The following HIBADH variants were observed in gnomAD, a reference collection of about 807,000 sequenced individuals.
HIBADH encodes the protein 3-hydroxyisobutyrate dehydrogenase, mitochondrial.
A neutral mutation model predicts 36.1 loss-of-function variants in HIBADH; 25 were observed. The ratio of observed to expected loss-of-function variants is 0.69; its 90% confidence interval spans 0.50 to 0.97. The LOEUF (loss-of-function observed/expected upper bound fraction) is 0.97, where lower values mean the gene tolerates loss of function less well. Ranked by LOEUF, HIBADH falls within the 50% of genes least tolerant of loss-of-function variation. The probability of loss-of-function intolerance (pLI) is 0.00; values close to 1 mark genes in which losing one functional copy is unlikely to be tolerated. For missense variants in HIBADH, 421 were observed against 418.0 expected (o/e 1.01, Z -0.06); for synonymous variants, 160 against 149.5 (o/e 1.07, Z -0.51).
rs1344595623 is a variant in HIBADH, at chr7:27,543,103, G to A, written c.485-3C>T. The A allele has an allele frequency of 1.2e-6, 2 of 1,613,226 alleles. No individual in the cohort carries two copies. Among genetic ancestry groups the A allele is most frequent in the Admixed American group, 3.3e-5 (2 of 59,916 alleles). On this transcript the variant is annotated splice_polypyrimidine_tract_variant and splice_region_variant and intron_variant, in intron 4 of 7. Coordinates refer to ENST00000265395, the MANE Select transcript of HIBADH (RefSeq NM_152740.4). ...CCCAGATCGTGCAGCTCCTACACCT[G>A]AATCATTTGGGGGTAAAGGGATAGA...
chr7:27,581,095 G>A (rs1416015300), intron 4 of HIBADH, among the ~76,000 whole-genome samples: 1 of 152,152 alleles, frequency 6.6e-6, no homozygotes, highest in Non-Finnish European at 1.5e-5. Flanking sequence ...AATTGTTTAG[G>A]TGATGGAAAA....
chr7:27,585,616 G>C (rs990667615), intron 4 of HIBADH, among the ~76,000 whole-genome samples: 1 of 152,042 alleles, frequency 6.6e-6, no homozygotes, highest in Admixed American at 6.5e-5. Context: ...AAATAATTAG[G>C]AAAAGAATGA....
chr7:27,543,911 C>T lies in HIBADH; in HGVS notation c.485-811G>A, dbSNP rs1247055020. 2.0e-5 allele frequency among the ~76,000 whole-genome samples: 3 copies of T among 151,962 alleles called. No homozygotes were observed. The East Asian group carries it at 5.8e-4, about 29-fold the overall frequency. ...CACAGAAAATATAATCTAGACTTGTCCTAAAAGGGAGAGGAAAAGCTTCAT... is the reference window on the plus strand; with the variant it reads ...CACAGAAAATATAATCTAGACTTGTTCTAAAAGGGAGAGGAAAAGCTTCAT... On this transcript the variant is annotated intron_variant, in intron 4 of 7. Transcript: ENST00000265395.
intron 4 of HIBADH, among the ~76,000 whole-genome samples, chr7:27,614,238 T>C (rs68015840): frequency 0.12 from 18,892 of 152,200 alleles, 1,297 homozygotes; most frequent in Middle Eastern, 0.15. Context: ...TCATCCCCAC[T>C]AAATTGATCA....
At chr7:27,605,363 T>A (rs958048886) in intron 4 of HIBADH, among the ~76,000 whole-genome samples, 1 of 151,622 alleles carries the variant, frequency 6.6e-6, no homozygotes, top group African/African-American at 2.4e-5. Flanking sequence ...GCCTAATGAA[T>A]CTCATAGTTA....
chr7:27,534,554 C>T (rs1784046517), intron 6 of HIBADH, among the ~76,000 whole-genome samples: 1 of 152,132 alleles, frequency 6.6e-6, no homozygotes, highest in Non-Finnish European at 1.5e-5. Flanking sequence ...CCCTCACTCA[C>T]TCACTCCCCT....
chr7:27,578,200 CTT>C (rs573536601), intron 4 of HIBADH, among the ~76,000 whole-genome samples: 9 of 151,792 alleles, frequency 5.9e-5, no homozygotes, highest in African/African-American at 1.5e-4. Context: ...CTAAGAGAAT[CTT>C]TTTTTTGAAG....
chr7:27,537,847 T>A (rs957375073), intron 6 of HIBADH, among the ~76,000 whole-genome samples: 1 of 152,078 alleles, frequency 6.6e-6, no homozygotes, highest in Non-Finnish European at 1.5e-5. Flanking sequence ...ATGAATGCTA[T>A]CCAGTTTTTA....
intron 4 of HIBADH, among the ~76,000 whole-genome samples, chr7:27,625,446 G>A (rs1714720053): frequency 6.6e-6 from 1 of 151,554 alleles, no homozygotes; most frequent in Non-Finnish European, 1.5e-5. Flanking sequence ...ATAAACTACT[G>A]TTTAGAAATA....
chr7:27,526,697 A>T (rs185364855), intron 7 of HIBADH, among the ~76,000 whole-genome samples: 5 of 152,254 alleles, frequency 3.3e-5, no homozygotes, highest in Admixed American at 2.6e-4. Context: ...AATTTTTTTT[A>T]AAAAATTCTT....
At chr7:27,643,997 T>C (rs1786008904) in intron 2 of HIBADH, among the ~76,000 whole-genome samples, 1 of 152,222 alleles carries the variant, frequency 6.6e-6, no homozygotes, top group African/African-American at 2.4e-5. Context: ...AGACCCTGTT[T>C]CCAAAAAGCT....
In HIBADH at chr7:27,538,567, G is replaced by A. The variant is rs996668184; in HGVS notation, c.619-150C>T. 3.5e-5 allele frequency: 24 copies of A among 677,604 alleles called. No homozygotes were observed. In the African/African-American group the frequency reaches 3.9e-4, roughly 11 times the overall value. The allele number at this position is 677,604 out of a possible 1,614,324, so 42.0% of individuals were successfully genotyped here. ...CGAGTGCGGAAGAGAACCTGATGCA[G>A]CATGGCTCCCTCTGAACCTCACATG... On this transcript the variant is annotated intron_variant, in intron 5 of 7. Coordinates refer to ENST00000265395, the MANE Select transcript of HIBADH (RefSeq NM_152740.4).
chr7:27,555,353 T>C (rs1784376141), intron 4 of HIBADH, among the ~76,000 whole-genome samples: 1 of 147,002 alleles, frequency 6.8e-6, no homozygotes, highest in African/African-American at 2.5e-5. Flanking sequence ...TACATAAACC[T>C]ATTATGGATA....
intron 4 of HIBADH, among the ~76,000 whole-genome samples, chr7:27,581,458 C>G (rs1270203214): frequency 1.3e-5 from 2 of 152,160 alleles, no homozygotes; most frequent in African/African-American, 4.8e-5. Context: ...CTGCCATCAA[C>G]TATAATTGCT....
chr7:27,649,104 T>C (rs1178879693), intron 2 of HIBADH: 1 of 158,458 alleles, frequency 6.3e-6, no homozygotes, highest in Non-Finnish European at 1.4e-5. Context: ...CTAAGCCTAC[T>C]CTTGTTTTAA....
chr7:27,566,053 G>A (rs13236908), intron 4 of HIBADH, among the ~76,000 whole-genome samples: 20,789 of 151,936 alleles, frequency 0.14, 1,693 homozygotes, highest in Middle Eastern at 0.18. Flanking sequence ...TTTATGTATT[G>A]CTGATTCAAT....
At chr7:27,542,153 T>C (rs1055768589) in intron 5 of HIBADH, among the ~76,000 whole-genome samples, 1 of 152,206 alleles carries the variant, frequency 6.6e-6, no homozygotes, top group African/African-American at 2.4e-5. Context: ...TAACTTTTTC[T>C]TAATGTTTTT....
intron 2 of HIBADH, among the ~76,000 whole-genome samples, chr7:27,642,016 T>C (rs1785969634): frequency 6.6e-6 from 1 of 152,140 alleles, no homozygotes; most frequent in Non-Finnish European, 1.5e-5. Context: ...CCCCACTGTG[T>C]ATTGGGGGAG....
intron 4 of HIBADH, among the ~76,000 whole-genome samples, chr7:27,561,588 T>A (rs1449021213): frequency 6.6e-6 from 1 of 152,144 alleles, no homozygotes; most frequent in Non-Finnish European, 1.5e-5. Flanking sequence ...AGAAATACAT[T>A]TCTTCAATTG....
Sources: gnomAD v4.1 joint callset for allele counts (sites outside exome capture counted in the v4.1 genomes callset) on GRCh38, gnomAD v4.1.1 for gene constraint, MANE v1.5 for transcripts, NCBI Gene and HGNC (gene_info 2026-07-23, HGNC 2026-07-21) for gene names.